The following CC2D2A variants were observed in gnomAD, a reference collection of about 807,000 sequenced individuals.
The protein encoded by CC2D2A is coiled-coil and C2 domain containing 2A, also known as coiled-coil and C2 domain-containing protein 2A.
CC2D2A carries 155 observed loss-of-function variants against 212.9 expected under a neutral mutation model. That is an observed-to-expected ratio of 0.73 (90% CI 0.64 to 0.83). The LOEUF (loss-of-function observed/expected upper bound fraction) is 0.83. Among genes scored for constraint, CC2D2A ranks in the 40% least tolerant of loss-of-function variants. The pLI is 0.00. For missense variants in CC2D2A, 1,856 were observed against 1,956.2 expected (o/e 0.95, Z 0.97); for synonymous variants, 667 against 686.5 (o/e 0.97, Z 0.44).
At chr4:15,506,927 A>T (rs910142190) in intron 6 of CC2D2A, among the ~76,000 whole-genome samples, 5 of 151,708 alleles carry the variant, frequency 3.3e-5, no homozygotes, top group Admixed American at 6.6e-5. Flanking sequence ...CAAAAAAAAA[A>T]ATTAGCCGGG....
At chr4:15,584,746 TGTCTAACAAGGG>T (rs1334858587) in intron 30 of CC2D2A, among the ~76,000 whole-genome samples, 39 of 152,170 alleles carry the variant, frequency 2.6e-4, no homozygotes, top group Non-Finnish European at 5.3e-4. Context: ...TTGCAAGCTG[TGTCTAACAAGGG>T]GTTAAAATCT....
intron 4 of CC2D2A, among the ~76,000 whole-genome samples, chr4:15,493,557 G>C (rs1012835567): frequency 6.6e-6 from 1 of 152,120 alleles, no homozygotes; most frequent in South Asian, 2.1e-4. Context: ...ACAGGCTTGA[G>C]TCACTGCATC....
intron 30 of CC2D2A, among the ~76,000 whole-genome samples, chr4:15,584,508 G>T (rs1720782128): frequency 6.6e-6 from 1 of 152,100 alleles, no homozygotes; most frequent in African/African-American, 2.4e-5. Flanking sequence ...ACTCTGAAAG[G>T]ATTAATGAAT....
intron 24 of CC2D2A, among the ~76,000 whole-genome samples, chr4:15,564,759 C>A (rs1197452747): frequency 2.0e-5 from 3 of 152,096 alleles, no homozygotes; most frequent in Non-Finnish European, 4.4e-5. Context: ...CTCACTGCAA[C>A]CTCGACCTCC....
At chr4:15,589,909 G>C (rs1009032799) in intron 33 of CC2D2A, among the ~76,000 whole-genome samples, 2 of 152,116 alleles carry the variant, frequency 1.3e-5, no homozygotes, top group Admixed American at 1.3e-4. Context: ...CCGAGAAGCA[G>C]AATGACAAAG....
intron 16 of CC2D2A, among the ~76,000 whole-genome samples, chr4:15,539,851 A>T (rs925711208): frequency 6.6e-6 from 1 of 152,154 alleles, no homozygotes; most frequent in African/African-American, 2.4e-5. Context: ...AGTGTCCTTT[A>T]TTAAAAAAAT....
At chr4:15,523,565 A>G (rs758326904) in intron 11 of CC2D2A, among the ~76,000 whole-genome samples, 1 of 152,242 alleles carries the variant, frequency 6.6e-6, no homozygotes, top group African/African-American at 2.4e-5. Context: ...TTGGTTGCAT[A>G]TGACAGAAAC....
intron 13 of CC2D2A, among the ~76,000 whole-genome samples, chr4:15,529,793 G>T (rs1405311004): frequency 2.0e-5 from 3 of 147,078 alleles, no homozygotes; most frequent in Non-Finnish European, 4.5e-5. Flanking sequence ...CAAATCCTTA[G>T]AACAGGAAAT....
intron 4 of CC2D2A, among the ~76,000 whole-genome samples, chr4:15,497,246 A>G (rs1715671914): frequency 6.6e-6 from 1 of 152,212 alleles, no homozygotes; most frequent in African/African-American, 2.4e-5. Flanking sequence ...TAGAGAGCCC[A>G]GAAATACATT....
chr4:15,537,749 G>A (rs574829366), intron 15 of CC2D2A, 150 bp from the exon 16 acceptor site: 2 of 728,712 alleles, frequency 2.7e-6, no homozygotes, highest in East Asian at 5.4e-5. Flanking sequence ...GGCACAGAGA[G>A]GTCAGGTGGC....
At chr4:15,559,795 T>C (rs1300205791) in intron 22 of CC2D2A, among the ~76,000 whole-genome samples, 1 of 152,030 alleles carries the variant, frequency 6.6e-6, no homozygotes, top group Non-Finnish European at 1.5e-5. Context: ...AAATGAATTA[T>C]TTAAGAGGTT....
At chr4:15,586,593 GT>G (rs1198678199) in intron 31 of CC2D2A, among the ~76,000 whole-genome samples, 2 of 151,984 alleles carry the variant, frequency 1.3e-5, no homozygotes, top group African/African-American at 4.8e-5. Context: ...TCCTTAATTT[GT>G]GGGCTTTGTA....
At chr4:15,510,089 A>G (rs1400871725) in intron 6 of CC2D2A, 50 bp from the exon 7 acceptor site, 3 of 1,400,076 alleles carry the variant, frequency 2.1e-6, no homozygotes, top group Non-Finnish European at 3.0e-6. Flanking sequence ...AGAACAGCCT[A>G]AGTTTCTTGG....
At chr4:15,512,227 A>C (rs1392464908) in intron 8 of CC2D2A, among the ~76,000 whole-genome samples, 1 of 152,228 alleles carries the variant, frequency 6.6e-6, no homozygotes, top group Admixed American at 6.5e-5. Context: ...ATCCAAAAAC[A>C]CTGAAGACAA....
At chr4:15,582,222 A>C (rs1239970632) in intron 30 of CC2D2A, among the ~76,000 whole-genome samples, 1 of 145,144 alleles carries the variant, frequency 6.9e-6, no homozygotes, top group African/African-American at 2.4e-5. Context: ...CATTGAATAC[A>C]GTTAAATAAG....
intron 33 of CC2D2A, among the ~76,000 whole-genome samples, chr4:15,590,664 G>A (rs541219839): frequency 6.6e-4 from 100 of 152,314 alleles, no homozygotes; most frequent in Admixed American, 1.4e-3. Flanking sequence ...CTACTTTATA[G>A]AATAGTTGTG....
chr4:15,508,897 A>G (rs1716408856), intron 6 of CC2D2A, among the ~76,000 whole-genome samples: 1 of 152,206 alleles, frequency 6.6e-6, no homozygotes, highest in Non-Finnish European at 1.5e-5. Flanking sequence ...TATATGTGCT[A>G]CTGGGATGGC....
At chr4:15,547,380 A>ATATAGTAACAATATAT (rs1457197264) in intron 17 of CC2D2A, among the ~76,000 whole-genome samples, 1 of 152,186 alleles carries the variant, frequency 6.6e-6, no homozygotes, top group African/African-American at 2.4e-5. Context: ...TAGTAACCCT[A>ATATAGTAACAATATAT]CTGTGCTATC....
At chr4:15,539,252 C>T (rs1718296800) in intron 16 of CC2D2A, among the ~76,000 whole-genome samples, 1 of 152,156 alleles carries the variant, frequency 6.6e-6, no homozygotes, top group South Asian at 2.1e-4. Flanking sequence ...AAACTGTTCT[C>T]ACAAGGTCTC....
Sources: allele counts gnomAD v4.1 joint callset (sites outside exome capture counted in the v4.1 genomes callset), GRCh38; gene constraint gnomAD v4.1.1; transcripts MANE v1.5; gene names NCBI Gene and HGNC (gene_info 2026-07-23, HGNC 2026-07-21).